CTCF: variants seen among roughly 807,000 people sequenced by gnomAD.
CTCF encodes CCCTC-binding factor.
Under a neutral mutation model 72.3 loss-of-function variants are expected in CTCF, and 7 were observed. The observed-to-expected ratio is 0.10, with a 90% CI of 0.06 to 0.18. The LOEUF (loss-of-function observed/expected upper bound fraction) is 0.18, where lower values mean the gene tolerates loss of function less well. Among genes scored for constraint, CTCF ranks in the 10% least tolerant of loss-of-function variants. CTCF has a pLI of 1.00. For missense variants in CTCF, 516 were observed against 949.1 expected (o/e 0.54, Z 6.00); for synonymous variants, 374 against 315.8 (o/e 1.18, Z -1.95).
intron 2 of CTCF, among the ~76,000 whole-genome samples, chr16:67,583,424 C>T (rs754980176): frequency 2.6e-5 from 4 of 152,008 alleles, no homozygotes; most frequent in Admixed American, 6.6e-5. Context: ...CGGTGGCTCA[C>T]GCCTGTAATC....
chr16:67,619,899 A>G (rs539955297), intron 5 of CTCF, among the ~76,000 whole-genome samples: 1 of 152,272 alleles, frequency 6.6e-6, no homozygotes, highest in East Asian at 1.9e-4. Context: ...AGCACTTCAT[A>G]GAATCAAGTT....
At position 67,562,609 on chromosome 16, in the gene CTCF, G is replaced by A. The variant is rs1394108798; in HGVS notation, c.-242G>A. 1 of 152,728 alleles carries A rather than the reference G, an allele frequency of 6.5e-6. No homozygotes were observed. Among genetic ancestry groups the A allele is most frequent in the Non-Finnish European group, 1.5e-5 (1 of 68,318 alleles). 9.5% of individuals were successfully genotyped at this position (152,728 alleles called of 1,614,324 possible). Reference sequence around the variant, plus strand: ...AAACCGTGCGCGGAGCTGCTTCTTTGGCGGCAGCGGCGGCGGCGGTGGCCG... The same window carrying A: ...AAACCGTGCGCGGAGCTGCTTCTTTAGCGGCAGCGGCGGCGGCGGTGGCCG... On this transcript the variant is annotated 5_prime_UTR_variant, in exon 1 of 12. Transcript: ENST00000264010.
rs1269873249 is a variant in CTCF at position 67,570,958 on chromosome 16, AAATG to A, written c.-126-185_-126-182del. On this transcript the variant is annotated intron_variant, in intron 1 of 11. Transcript: ENST00000264010. ...ATATTTAGCAAATGTGTGAAAAAATAAATGAATGTTTTGTTATTGGCTTGATGGT... is the reference window on the plus strand; with the variant it reads ...ATATTTAGCAAATGTGTGAAAAAATAAATGTTTTGTTATTGGCTTGATGGT... The A allele has an allele frequency of 9.9e-5, 15 of 152,252 alleles. No individual in the cohort carries two copies. In the South Asian group the frequency reaches 1.0e-3, roughly 11 times the overall value. The allele number at this position is 152,252 out of a possible 1,614,324, so 9.4% of individuals were successfully genotyped here.
At chr16:67,564,970 T>C (rs1195408998) in intron 1 of CTCF, among the ~76,000 whole-genome samples, 5 of 152,164 alleles carry the variant, frequency 3.3e-5, no homozygotes, top group Non-Finnish European at 7.4e-5. Context: ...AGAGAATAAA[T>C]TGAGGATGAA....
At chr16:67,579,379 G>A (rs541880768) in intron 2 of CTCF, among the ~76,000 whole-genome samples, 3 of 150,806 alleles carry the variant, frequency 2.0e-5, no homozygotes, top group Admixed American at 6.6e-5. Flanking sequence ...TATTTGAGAC[G>A]GAGTCTTGCT....
chr16:67,599,203 T>C (rs927284279), intron 2 of CTCF, among the ~76,000 whole-genome samples: 3 of 152,144 alleles, frequency 2.0e-5, no homozygotes, highest in Admixed American at 6.6e-5. Context: ...GAGACCATCC[T>C]GGCCAACGTG....
At chr16:67,600,619 T>C (rs1321772756) in intron 2 of CTCF, among the ~76,000 whole-genome samples, 4 of 152,018 alleles carry the variant, frequency 2.6e-5, no homozygotes, top group Admixed American at 1.3e-4. Flanking sequence ...GCTCAAGTGA[T>C]CTACTTCAGC....
Position 67,634,400 on chromosome 16 carries a change from G to A in CTCF, c.1838-2290G>A, listed in dbSNP as rs1399537576. Among the ~76,000 whole-genome samples, 8 of 151,736 alleles carry A rather than the reference G, an allele frequency of 5.3e-5. No individual in the cohort carries two copies. The South Asian group carries it at 8.3e-4, about 16-fold the overall frequency. On this transcript the variant is annotated intron_variant, in intron 10 of 11. Coordinates refer to ENST00000264010, the MANE Select transcript of CTCF (RefSeq NM_006565.4). ...TTTTTGTATTTTTAGTAGAGATGGG[G>A]TTTCACCATGTTGGCCTGGCTGGTC... is the stretch of plus-strand genomic sequence containing the variant.
chr16:67,619,367 C>T (rs974780838), intron 5 of CTCF, among the ~76,000 whole-genome samples: 1 of 152,014 alleles, frequency 6.6e-6, no homozygotes, highest in Admixed American at 6.6e-5. Context: ...CCCTGGGAGG[C>T]GGAGGTTGCA....
At chr16:67,615,373 T>C (rs1048205858) in intron 4 of CTCF, 4 of 152,314 alleles carry the variant, frequency 2.6e-5, no homozygotes, top group Admixed American at 1.3e-4. Context: ...CTCAGGACTT[T>C]GTGAGGCCGA....
At chr16:67,588,093 G>C (rs1468713388) in intron 2 of CTCF, among the ~76,000 whole-genome samples, 1 of 152,132 alleles carries the variant, frequency 6.6e-6, no homozygotes, top group South Asian at 2.1e-4. Flanking sequence ...CCTGACCTCA[G>C]GTGATTCACC....
chr16:67,575,062 C>T (rs2051476639), intron 2 of CTCF, among the ~76,000 whole-genome samples: 1 of 152,000 alleles, frequency 6.6e-6, no homozygotes, highest in Admixed American at 6.6e-5. Flanking sequence ...TTCCATATGT[C>T]CTTGTGGATA....
At chr16:67,584,337 CT>C (rs904086024) in intron 2 of CTCF, among the ~76,000 whole-genome samples, 5,993 of 105,750 alleles carry the variant, frequency 0.057, 107 homozygotes, top group African/African-American at 0.13. Context: ...AAAAAGTCTT[CT>C]TTTTTTTTTT....
chr16:67,578,948 C>G (rs1457894560), intron 2 of CTCF, among the ~76,000 whole-genome samples: 1 of 147,024 alleles, frequency 6.8e-6, no homozygotes, highest in African/African-American at 2.5e-5. Flanking sequence ...GACTTCGTCT[C>G]AAAAATAAAT....
At chr16:67,631,005 T>G (rs372651809) in intron 10 of CTCF, among the ~76,000 whole-genome samples, 2 of 152,106 alleles carry the variant, frequency 1.3e-5, no homozygotes, top group Non-Finnish European at 2.9e-5. Context: ...CTGGAGAGAT[T>G]ATAGATGATG....
At chr16:67,571,723 C>G (rs2051422982) in intron 2 of CTCF, among the ~76,000 whole-genome samples, 1 of 152,096 alleles carries the variant, frequency 6.6e-6, no homozygotes, top group South Asian at 2.1e-4. Flanking sequence ...CAGATGGAAT[C>G]CTGTTCTTGG....
rs201099111 is a variant in CTCF, at chr16:67,574,029, CAAAA to C, written c.-10+2773_-10+2776del. Reference sequence around the variant, plus strand: ...TTGGCGACAAGGCGAGACTCCATCTCAAAAAAAAAAAGACTTACGTGACCAAAGA... The same window carrying C: ...TTGGCGACAAGGCGAGACTCCATCTCAAAAAAAGACTTACGTGACCAAAGA... On this transcript the variant is annotated intron_variant, in intron 2 of 11. Coordinates refer to ENST00000264010, the MANE Select transcript of CTCF (RefSeq NM_006565.4). Among the ~76,000 whole-genome samples, 29 of 141,414 alleles carry C rather than the reference CAAAA, an allele frequency of 2.1e-4. No individual in the cohort carries two copies. The Admixed American group carries it at 2.1e-3, about 10-fold the overall frequency. The allele number at this position is 141,414 out of a possible 152,430, so 92.8% of individuals were successfully genotyped here. A position where few individuals can be genotyped will look rare whatever the true frequency, so the allele number is the denominator to read the frequency against.
chr16:67,586,226 C>G (rs1335725764), intron 2 of CTCF, among the ~76,000 whole-genome samples: 1 of 151,986 alleles, frequency 6.6e-6, no homozygotes, highest in Non-Finnish European at 1.5e-5. Flanking sequence ...CATAGAAAAC[C>G]CCATTTCTAC....
At chr16:67,578,722 C>T (rs1037057301) in intron 2 of CTCF, among the ~76,000 whole-genome samples, 4 of 148,256 alleles carry the variant, frequency 2.7e-5, no homozygotes, top group South Asian at 2.2e-4. Context: ...CCGAGGCAGG[C>T]GGATCACCTG....
Sources: allele counts gnomAD v4.1 joint callset (sites outside exome capture counted in the v4.1 genomes callset), GRCh38; gene constraint gnomAD v4.1.1; transcripts MANE v1.5; gene names NCBI Gene and HGNC (gene_info 2026-07-23, HGNC 2026-07-21).